CNNM2: variants seen among roughly 807,000 people sequenced by gnomAD.
CNNM2 encodes the protein cyclin and CBS domain divalent metal cation transport mediator 2.
CNNM2 carries 12 observed loss-of-function variants against 66.9 expected under a neutral mutation model. The observed-to-expected ratio is 0.18, with a 90% CI of 0.11 to 0.29. The LOEUF (loss-of-function observed/expected upper bound fraction) is 0.29. Ranked by LOEUF, CNNM2 falls within the 10% of genes least tolerant of loss-of-function variation. CNNM2 has a pLI of 1.00. For synonymous variants in CNNM2, 557 were observed against 501.8 expected (o/e 1.11, Z -1.47); for missense variants, 705 against 1,167.7 (o/e 0.60, Z 5.77).
At chr10:102,973,731 T>C (rs2063582491) in intron 1 of CNNM2, among the ~76,000 whole-genome samples, 2 of 152,196 alleles carry the variant, frequency 1.3e-5, no homozygotes, top group Admixed American at 1.3e-4. Flanking sequence ...TTAGACCCTT[T>C]GAATGAAATA....
rs1422268366 is a variant in CNNM2, at chr10:103,087,885, G to A, written c.*10705G>A. 6.6e-6 allele frequency: 1 copy of A among 152,224 alleles called. No individual in the cohort carries two copies. Among genetic ancestry groups the A allele is most frequent in the Non-Finnish European group, 1.5e-5 (1 of 68,034 alleles). The allele number at this position is 152,224 out of a possible 1,614,324, so 9.4% of individuals were successfully genotyped here. A position where few individuals can be genotyped will look rare whatever the true frequency, so the allele number is the denominator to read the frequency against. ...CATATAAGTCCAAAGTAGTGAGACA[G>A]ACAGTATATCCTTGACTAAGTTATC... On this transcript the variant is annotated 3_prime_UTR_variant, in exon 8 of 8. Coordinates refer to ENST00000369878, the MANE Select transcript of CNNM2 (RefSeq NM_017649.5).
Position 102,938,760 on chromosome 10 carries a change from T to G in CNNM2, c.1621+18659T>G, listed in dbSNP as rs7924064. 5.1e-3 allele frequency among the ~76,000 whole-genome samples: 770 copies of G among 152,258 alleles called. 5 individuals carry two copies. The highest frequency in any genetic ancestry group is 0.018 in the African/African-American group (733 of 41,566). ...TGCTCTTAAATAGTCCTATGCCTAT[T>G]AGACAGTTAAATTTAATTTTTACTG... On this transcript the variant is annotated intron_variant, in intron 1 of 7. Transcript: ENST00000369878.
rs10883816 is a variant in CNNM2, at chr10:102,989,968, A to G, written c.1622-59739A>G. Among the ~76,000 whole-genome samples the G allele has an allele frequency of 0.4, 59,145 of 147,908 alleles. 11,998 individuals carry two copies. Among genetic ancestry groups the G allele is most frequent in the East Asian group, 0.48 (2,404 of 4,962 alleles). ...TTAAACTTTTTTTTTTTTTTGAGAC[A>G]GAGTCTGGCTCTGTCACCCAGGCTG... On this transcript the variant is annotated intron_variant, in intron 1 of 7. Transcript: ENST00000369878.
At chr10:103,072,575 C>A (rs1191921584) in intron 6 of CNNM2, among the ~76,000 whole-genome samples, 1 of 152,342 alleles carries the variant, frequency 6.6e-6, no homozygotes, top group South Asian at 2.1e-4. Flanking sequence ...AGTGAACACC[C>A]GGCACATTCC....
chr10:103,057,723 A>G (rs2065319340), intron 4 of CNNM2, among the ~76,000 whole-genome samples: 1 of 152,218 alleles, frequency 6.6e-6, no homozygotes, highest in Non-Finnish European at 1.5e-5. Context: ...CCATCAAAAT[A>G]ATCCATTTGT....
At chr10:102,999,618 A>G (rs904326783) in intron 1 of CNNM2, among the ~76,000 whole-genome samples, 1 of 152,104 alleles carries the variant, frequency 6.6e-6, no homozygotes, top group African/African-American at 2.4e-5. Context: ...TACCTATTTA[A>G]TACAATCCTT....
At chr10:102,945,255 A>G (rs1846574564) in intron 1 of CNNM2, among the ~76,000 whole-genome samples, 1 of 152,174 alleles carries the variant, frequency 6.6e-6, no homozygotes, top group Non-Finnish European at 1.5e-5. Context: ...TGTAGTTCAA[A>G]GCACCTTATT....
rs1309952198 is a variant in CNNM2, at chr10:103,085,392, G to A, written c.*8212G>A. ...ACTGAGTAAACATTTTTCAGTGTGGGGAAGGTTTGCTTGGCAAATCTTCTT... is the reference window on the plus strand; with the variant it reads ...ACTGAGTAAACATTTTTCAGTGTGGAGAAGGTTTGCTTGGCAAATCTTCTT... On this transcript the variant is annotated 3_prime_UTR_variant, in exon 8 of 8. Transcript: ENST00000369878. The A allele has an allele frequency of 1.3e-5, 2 of 152,278 alleles. No individual in the cohort carries two copies. The highest frequency in any genetic ancestry group is 1.9e-4 in the East Asian group (1 of 5,188). 9.4% of individuals were successfully genotyped at this position (152,278 alleles called of 1,614,324 possible). A position where few individuals can be genotyped will look rare whatever the true frequency, so the allele number is the denominator to read the frequency against.
chr10:102,940,940 G>T (rs1399313407), intron 1 of CNNM2, among the ~76,000 whole-genome samples: 1 of 151,966 alleles, frequency 6.6e-6, no homozygotes, highest in African/African-American at 2.4e-5. Context: ...GTCCAGGCTG[G>T]TCACAAACTC....
In CNNM2 at chr10:102,920,025, C is replaced by G; in HGVS notation, c.1545C>G (p.Thr515=). 3 of 1,614,226 alleles carry G rather than the reference C, an allele frequency of 1.9e-6. No individual in the cohort carries two copies. Among genetic ancestry groups the G allele is most frequent in the Non-Finnish European group, 2.5e-6 (3 of 1,180,044 alleles). Reference sequence around the variant, plus strand: ...ACTGTACCCCCCTGAAAACCATCACCAAATTTTATAACCACCCCTTGCACT... The same window carrying G: ...ACTGTACCCCCCTGAAAACCATCACGAAATTTTATAACCACCCCTTGCACT... The part of the protein sequence containing the change: ...PDDCTPLKTI[T]KFYNHPLHFV... The change falls in exon 1 of 8, where the codon ACC becomes ACG. Residue 515 remains threonine (T), a synonymous_variant. Transcript: ENST00000369878.
At chr10:102,978,603 C>T (rs1262909996) in intron 1 of CNNM2, among the ~76,000 whole-genome samples, 1 of 152,136 alleles carries the variant, frequency 6.6e-6, no homozygotes, top group Non-Finnish European at 1.5e-5. Flanking sequence ...TAATTATTTT[C>T]CACACAGCAG....
At chr10:103,031,235 A>C (rs1236565049) in intron 1 of CNNM2, among the ~76,000 whole-genome samples, 9 of 152,150 alleles carry the variant, frequency 5.9e-5, no homozygotes, top group Admixed American at 5.9e-4. Flanking sequence ...AAAATCGGAA[A>C]GTTTACTGTG....
At chr10:102,972,972 C>CT (rs2063568862) in intron 1 of CNNM2, among the ~76,000 whole-genome samples, 1 of 152,088 alleles carries the variant, frequency 6.6e-6, no homozygotes, top group Non-Finnish European at 1.5e-5. Flanking sequence ...GAAAGATGCA[C>CT]TTTTTTTCCC....
At chr10:103,068,745 T>C (rs759469897) in intron 5 of CNNM2, 23 bp downstream of exon 5, 9 of 1,586,322 alleles carry the variant, frequency 5.7e-6, no homozygotes, top group South Asian at 1.1e-5. Context: ...CCCAGCCGCA[T>C]AGGGCAGGAC....
chr10:102,977,017 G>T (rs1239869218), intron 1 of CNNM2, among the ~76,000 whole-genome samples: 1 of 152,148 alleles, frequency 6.6e-6, no homozygotes, highest in Admixed American at 6.6e-5. Context: ...AATTGGTCAA[G>T]TTGGGTATTG....
intron 1 of CNNM2, among the ~76,000 whole-genome samples, chr10:102,937,565 T>C (rs377142423): frequency 9.2e-5 from 14 of 152,116 alleles, no homozygotes; most frequent in African/African-American, 3.1e-4. Context: ...ATAAAAGGAG[T>C]GTTCTGAACC....
intron 1 of CNNM2, among the ~76,000 whole-genome samples, chr10:103,042,764 T>C (rs995428496): frequency 2.0e-5 from 3 of 152,224 alleles, no homozygotes; most frequent in African/African-American, 7.2e-5. Flanking sequence ...ATTGTAATTA[T>C]ATTTAAAGTG....
intron 5 of CNNM2, among the ~76,000 whole-genome samples, chr10:103,069,761 G>A (rs567633560): frequency 9.9e-5 from 15 of 152,240 alleles, no homozygotes; most frequent in Non-Finnish European, 2.2e-4. Context: ...GAGGCAGCCC[G>A]AACAGGTCGG....
intron 1 of CNNM2, among the ~76,000 whole-genome samples, chr10:103,036,435 G>A (rs2064940518): frequency 1.3e-5 from 2 of 152,140 alleles, no homozygotes; most frequent in Admixed American, 1.3e-4. Flanking sequence ...ATTTGCATCT[G>A]CAAAATCCCT....
Sources: gnomAD v4.1 joint callset for allele counts (sites outside exome capture counted in the v4.1 genomes callset) on GRCh38, gnomAD v4.1.1 for gene constraint, MANE v1.5 for transcripts, NCBI Gene and HGNC (gene_info 2026-07-23, HGNC 2026-07-21) for gene names.